DCAF13: variants seen among roughly 807,000 people sequenced by gnomAD.
DCAF13 encodes the protein DDB1- and CUL4-associated factor 13.
Under a neutral mutation model 59.0 loss-of-function variants are expected in DCAF13, and 38 were observed. The ratio of observed to expected loss-of-function variants is 0.64; its 90% confidence interval spans 0.50 to 0.84. The LOEUF (loss-of-function observed/expected upper bound fraction) is 0.84, where lower values mean the gene tolerates loss of function less well. Ranked by LOEUF, DCAF13 falls within the 40% of genes least tolerant of loss-of-function variation. The probability of loss-of-function intolerance (pLI) is 0.00; values close to 1 mark genes in which losing one functional copy is unlikely to be tolerated. For synonymous variants in DCAF13, 173 were observed against 175.0 expected, an observed-to-expected ratio of 0.99 and a Z score of 0.09; for missense variants, 469 against 558.4, an observed-to-expected ratio of 0.84 and a Z score of 1.61.
chr8:103,427,480 T>A (rs1816810261), intron 5 of DCAF13: 1 of 510,998 alleles, frequency 2.0e-6, no homozygotes, highest in Non-Finnish European at 3.4e-6. Context: ...AGGAGTGGTG[T>A]GTGCATTTGC....
chr8:103,418,856 A>T (rs1352655041), intron 1 of DCAF13, among the ~76,000 whole-genome samples: 2,677 of 30,462 alleles, frequency 0.088, 123 homozygotes, highest in Non-Finnish European at 0.11. Context: ...ATATATATAT[A>T]TATATATATA....
rs768327742 is a variant in DCAF13 at position 103,440,185 on chromosome 8, A to C, written c.1000A>C (p.Thr334Pro). The C allele has an allele frequency of 1.9e-6, 3 of 1,605,878 alleles. No homozygotes were observed. The South Asian group carries it at 3.3e-5, about 18-fold the overall frequency. ...RMQHVICVKW[T>P]SDSKYIMCGS... ...GCAACATGTTATCTGTGTAAAATGG[A>C]CTTCTGACAGCAAGTATATTATGTG... is the stretch of plus-strand genomic sequence containing the variant. The change falls in exon 9 of 11, where the codon ACT becomes CCT. Residue 334 changes from threonine to proline, a missense_variant. This residue lies in a region of DCAF13 where 30 missense variants were observed against 67.1 expected (regional missense o/e 0.45). Transcript: ENST00000612750.
intron 3 of DCAF13, among the ~76,000 whole-genome samples, chr8:103,425,624 C>G (rs1009189456): frequency 6.6e-6 from 1 of 152,168 alleles, no homozygotes; most frequent in Non-Finnish European, 1.5e-5. Context: ...ACAATGCCTT[C>G]TCTCCAGTAT....
chr8:103,415,759 A>G (rs931089075), intron 1 of DCAF13, among the ~76,000 whole-genome samples: 7 of 152,176 alleles, frequency 4.6e-5, no homozygotes, highest in Non-Finnish European at 1.0e-4. Context: ...AGTTGTCTAT[A>G]GTGGAGAAAA....
chr8:103,421,972 A>G (rs191649200), intron 3 of DCAF13, among the ~76,000 whole-genome samples: 5 of 152,360 alleles, frequency 3.3e-5, no homozygotes, highest in Admixed American at 6.5e-5. Context: ...CTTTTTAAAC[A>G]AGGGGAACGA....
chr8:103,426,085 G>A lies in DCAF13; in HGVS notation c.408G>A (p.Trp136Ter). Residue 136 changes from tryptophan (W) to a stop codon, truncating the protein, a stop_gained, in exon 4 of 11, where the codon TGG (tryptophan) becomes TGA (stop). Coordinates refer to ENST00000612750, the MANE Select transcript of DCAF13 (RefSeq NM_015420.7). LOFTEE classifies it high-confidence loss of function. ...TVGDDKTVKQ[W>*]KMDGPGYGDE... ...GTGATGACAAAACTGTGAAGCAGTGGAAAATGGATGGGCCAGGCTATGGAG... is the reference window on the plus strand; with the variant it reads ...GTGATGACAAAACTGTGAAGCAGTGAAAAATGGATGGGCCAGGCTATGGAG... 1 of 1,612,702 alleles carries A rather than the reference G, an allele frequency of 6.2e-7. No homozygotes were observed. The highest frequency in any genetic ancestry group is 8.5e-7 in the Non-Finnish European group (1 of 1,179,234).
At chr8:103,424,364 A>G (rs1451607550) in intron 3 of DCAF13, among the ~76,000 whole-genome samples, 2 of 152,226 alleles carry the variant, frequency 1.3e-5, no homozygotes, top group African/African-American at 4.8e-5. Flanking sequence ...TTTGTCAGAG[A>G]TAAGACACAT....
At chr8:103,429,779 A>G (rs1350692249) in intron 5 of DCAF13, 1 of 152,234 alleles carries the variant, frequency 6.6e-6, no homozygotes, top group African/African-American at 2.4e-5. Context: ...CTTTTAAATG[A>G]CACTACCCAG....
At position 103,426,043 on chromosome 8, in the gene DCAF13, C is replaced by T. The variant is rs199561693; in HGVS notation, c.379-13C>T. The T allele has an allele frequency of 3.1e-5, 49 of 1,592,442 alleles. 1 individual carries two copies. Among genetic ancestry groups the T allele is most frequent in the Non-Finnish European group, 4.2e-5 (49 of 1,161,066 alleles). On this transcript the variant is annotated splice_polypyrimidine_tract_variant and intron_variant, in intron 3 of 10. Transcript: ENST00000612750. ...GTTCCTTACCATCATCATAATAAAA[C>T]AAATATTTCTAGGTTGGTGATGACA...
intron 5 of DCAF13, chr8:103,429,213 C>G (rs1435652531): frequency 6.6e-6 from 1 of 152,082 alleles, no homozygotes; most frequent in Non-Finnish European, 1.5e-5. Flanking sequence ...GAAATGGAAC[C>G]TGGTCAGACC....
chr8:103,435,957 T>C (rs559189507), intron 8 of DCAF13, among the ~76,000 whole-genome samples, 167 bp downstream of exon 8: 14 of 152,322 alleles, frequency 9.2e-5, no homozygotes, highest in Admixed American at 4.6e-4. Context: ...TGTGTGGTCA[T>C]ATGATATGGC....
Position 103,415,389 on chromosome 8 carries a change from G to T in DCAF13, c.-58G>T. 2 of 1,614,204 alleles carry T rather than the reference G, an allele frequency of 1.2e-6. No individual in the cohort carries two copies. The highest frequency in any genetic ancestry group is 1.7e-6 in the Non-Finnish European group (2 of 1,180,038). ...CGGAAGTCGCCTGTGGGAGGAGGTG[G>T]CGGTGGGCGGAACTCCTAGCGGACA... On this transcript the variant is annotated 5_prime_UTR_variant, in exon 1 of 11. Coordinates refer to ENST00000612750, the MANE Select transcript of DCAF13 (RefSeq NM_015420.7).
chr8:103,438,686 C>T (rs1816965255), intron 8 of DCAF13, among the ~76,000 whole-genome samples: 1 of 152,172 alleles, frequency 6.6e-6, no homozygotes, highest in South Asian at 2.1e-4. Flanking sequence ...TGAGCCACTG[C>T]ACCTTGCCTA....
chr8:103,420,491 A>C, intron 2 of DCAF13, 28 bp downstream of exon 2: 1 of 1,593,182 alleles, frequency 6.3e-7, no homozygotes, highest in Non-Finnish European at 8.6e-7. Context: ...TGATATTTTC[A>C]ACTAAAAGTA....
chr8:103,441,354 CAT>C, intron 9 of DCAF13, 99 bp from the exon 10 acceptor site: 2 of 1,129,004 alleles, frequency 1.8e-6, no homozygotes, highest in Non-Finnish European at 2.5e-6. Context: ...GGTTGCATAT[CAT>C]AAAAGATTAG....
intron 3 of DCAF13, among the ~76,000 whole-genome samples, chr8:103,421,592 C>T (rs1816723501): frequency 6.6e-6 from 1 of 152,236 alleles, no homozygotes. Context: ...AATAACTCCT[C>T]TGTCCCCTCA....
Position 103,435,706 on chromosome 8 carries a change from A to T in DCAF13, c.866A>T (p.Asp289Val), listed in dbSNP as rs750926513. 6.2e-7 allele frequency: 1 copy of T among 1,612,828 alleles called. No individual in the cohort carries two copies. Among genetic ancestry groups the T allele is most frequent in the Non-Finnish European group, 8.5e-7 (1 of 1,179,000 alleles). The change falls in exon 8 of 11, where the codon GAT becomes GTT. Residue 289 changes from aspartate to valine, a missense_variant. Coordinates refer to ENST00000612750, the MANE Select transcript of DCAF13 (RefSeq NM_015420.7). The stretch of plus-strand genomic sequence containing the variant: ...CATGTATCTGCAGTGCTTGATGTGG[A>T]TTACTCTCCCACTGGGAAGGAGTTT... ...MDHVSAVLDV[D>V]YSPTGKEFVS...
At chr8:103,417,984 C>T (rs1048713305) in intron 1 of DCAF13, among the ~76,000 whole-genome samples, 6 of 151,762 alleles carry the variant, frequency 4.0e-5, no homozygotes, top group East Asian at 2.0e-4. Flanking sequence ...ATAAATTAGC[C>T]GGGCATGGTG....
intron 10 of DCAF13, chr8:103,442,150 A>T (rs1817020637): frequency 6.6e-6 from 1 of 152,270 alleles, no homozygotes; most frequent in Non-Finnish European, 1.5e-5. Context: ...TGTTTTTGAG[A>T]ATATGTTTAA....
Sources: gnomAD v4.1 joint callset for allele counts (sites outside exome capture counted in the v4.1 genomes callset) on GRCh38, gnomAD v4.1.1 for gene constraint, gnomAD v4.1.1 regional missense constraint, MANE v1.5 for transcripts, NCBI Gene and HGNC (gene_info 2026-07-23, HGNC 2026-07-21) for gene names.